Variants in DROSHA observed in about 807,000 individuals in gnomAD.
DROSHA encodes drosha ribonuclease III.
A neutral mutation model predicts 181.9 loss-of-function variants in DROSHA; 56 were observed. The observed-to-expected ratio is 0.31, with a 90% CI of 0.25 to 0.38. The LOEUF is 0.38. Ranked by LOEUF, DROSHA falls within the 10% of genes least tolerant of loss-of-function variation. DROSHA has a pLI of 1.00. For missense variants in DROSHA, 1,218 were observed against 1,743.5 expected (o/e 0.70, Z 5.37); for synonymous variants, 524 against 591.2 (o/e 0.89, Z 1.65).
At position 31,401,226 on chromosome 5, in the gene DROSHA, C is replaced by T; in HGVS notation, c.*206G>A. 1 of 593,850 alleles carries T rather than the reference C, an allele frequency of 1.7e-6. No homozygotes were observed. Among genetic ancestry groups the T allele is most frequent in the Non-Finnish European group, 2.8e-6 (1 of 352,560 alleles). The allele number at this position is 593,850 out of a possible 1,614,324, so 36.8% of individuals were successfully genotyped here. On this transcript the variant is annotated 3_prime_UTR_variant, in exon 36 of 36. Transcript: ENST00000344624. ...GCACATTCACCAAAGTCAAGTTTTC[C>T]GTTAAATAGAAGAAAAATCTAATAC...
chr5:31,500,561 T>C (rs1753479283), intron 11 of DROSHA, among the ~76,000 whole-genome samples: 1 of 152,204 alleles, frequency 6.6e-6, no homozygotes, highest in Admixed American at 6.5e-5. Context: ...ATAAAGTATC[T>C]ACAGCTGGAA....
At chr5:31,438,398 C>T (rs930702491) in intron 23 of DROSHA, among the ~76,000 whole-genome samples, 3 of 152,094 alleles carry the variant, frequency 2.0e-5, no homozygotes, top group African/African-American at 7.2e-5. Context: ...AGGAGGGAAA[C>T]AGTCACATTT....
chr5:31,523,586 A>G (rs1740157427), intron 5 of DROSHA, among the ~76,000 whole-genome samples: 1 of 152,242 alleles, frequency 6.6e-6, no homozygotes, highest in African/African-American at 2.4e-5. Flanking sequence ...CCCAGAAGCA[A>G]AATTATTAAC....
intron 29 of DROSHA, 42 bp downstream of exon 29, chr5:31,422,745 C>A: frequency 6.2e-7 from 1 of 1,609,688 alleles, no homozygotes; most frequent in Non-Finnish European, 8.5e-7. Context: ...ACTGCCTCAT[C>A]TAAATGGTCA....
At position 31,405,700 on chromosome 5, in the gene DROSHA, G is replaced by A; in HGVS notation, c.3971C>T (p.Ala1324Val). 2 of 1,557,918 alleles carry A rather than the reference G, an allele frequency of 1.3e-6. No individual in the cohort carries two copies. Among genetic ancestry groups the A allele is most frequent in the African/African-American group, 1.4e-5 (1 of 71,466 alleles). Residue 1324 changes from alanine to valine, a missense_variant, in exon 35 of 36, where the codon GCA becomes GTA. Around this residue, in one of 8 missense-constraint regions of DROSHA, gnomAD observed 48 missense variants for 124.9 expected, o/e 0.38. Transcript: ENST00000344624. ...GPSIQQAEMG[A>V]AMDALEKYNF... ...ACATTTTTCAAGCGCATCCATTGCTGCTCCCATTTCCGCTTGCTGAATACT... is the reference window on the plus strand; with the variant it reads ...ACATTTTTCAAGCGCATCCATTGCTACTCCCATTTCCGCTTGCTGAATACT...
chr5:31,466,105 T>G, intron 19 of DROSHA, 77 bp downstream of exon 19: 2 of 1,412,040 alleles, frequency 1.4e-6, no homozygotes, highest in Non-Finnish European at 2.0e-6. Context: ...ACCAGAAGTA[T>G]AGTGTGATAC....
At chr5:31,530,663 A>C in intron 3 of DROSHA, 135 bp downstream of exon 3, 3 of 363,994 alleles carry the variant, frequency 8.2e-6, no homozygotes, top group Non-Finnish European at 1.5e-5. Context: ...CTCCCAACGT[A>C]TGAATCTGCC....
At chr5:31,497,020 C>G (rs116034060) in intron 11 of DROSHA, among the ~76,000 whole-genome samples, 2 of 152,170 alleles carry the variant, frequency 1.3e-5, no homozygotes, top group Non-Finnish European at 2.9e-5. Context: ...ACTGGTAATG[C>G]CTGTAGTGCA....
intron 17 of DROSHA, 32 bp downstream of exon 17, chr5:31,472,031 C>T: frequency 6.4e-7 from 1 of 1,555,232 alleles, no homozygotes. Flanking sequence ...GAAGGTCCTC[C>T]AGCCTCTGAA....
chr5:31,406,247 C>T (rs1376651577), intron 34 of DROSHA, among the ~76,000 whole-genome samples: 1 of 152,044 alleles, frequency 6.6e-6, no homozygotes, highest in African/African-American at 2.4e-5. Context: ...TGAACTCATA[C>T]CTAAAATCCC....
chr5:31,497,473 T>C (rs536393425), intron 11 of DROSHA, among the ~76,000 whole-genome samples: 83 of 152,364 alleles, frequency 5.4e-4, no homozygotes, highest in East Asian at 2.5e-3. Flanking sequence ...CTTGGGAGCC[T>C]GTCCCCCCTT....
rs147463135 is a variant in DROSHA at position 31,405,242 on chromosome 5, C to A, written c.3994+435G>T. Among the ~76,000 whole-genome samples, 265 of 152,068 alleles carry A rather than the reference C, an allele frequency of 1.7e-3. 1 individual carries two copies. Among genetic ancestry groups the A allele is most frequent in the African/African-American group, 6.1e-3 (252 of 41,482 alleles). On this transcript the variant is annotated intron_variant, in intron 35 of 35. Transcript: ENST00000344624. ...ATTTAGCTGGGTGTGGTAGGAGGCA[C>A]CTGTAATCCCAGCTACTGGGGAGGC... is the stretch of plus-strand genomic sequence containing the variant.
chr5:31,413,738 G>C (rs532264403), intron 30 of DROSHA, among the ~76,000 whole-genome samples: 1 of 152,208 alleles, frequency 6.6e-6, no homozygotes, highest in Non-Finnish European at 1.5e-5. Context: ...ACATGCAGGT[G>C]CTCCTCTAGA....
chr5:31,467,633 A>T (rs2287587), intron 18 of DROSHA: 3,668 of 154,708 alleles, frequency 0.024, 199 homozygotes, highest in East Asian at 0.22. Flanking sequence ...AAAAAATAAT[A>T]ATTATTATTA....
intron 30 of DROSHA, among the ~76,000 whole-genome samples, chr5:31,416,288 C>T (rs1462556075): frequency 6.6e-6 from 1 of 152,200 alleles, no homozygotes; most frequent in Non-Finnish European, 1.5e-5. Context: ...TCCGCTTCTT[C>T]CCTTATATAT....
In DROSHA at chr5:31,525,287, G is replaced by A. The variant is rs111629871; in HGVS notation, c.854+792C>T. On this transcript the variant is annotated intron_variant, in intron 5 of 35. Transcript: ENST00000344624. Reference sequence around the variant, plus strand: ...AGAGGTTGTAGTGAGCCGAGACTGCGCCACTGCACTCCAGCCTAGGCAACA... The same window carrying A: ...AGAGGTTGTAGTGAGCCGAGACTGCACCACTGCACTCCAGCCTAGGCAACA... Among the ~76,000 whole-genome samples, 688 of 127,442 alleles carry A rather than the reference G, an allele frequency of 5.4e-3. 8 individuals carry two copies. Among genetic ancestry groups the A allele is most frequent in the African/African-American group, 0.019 (649 of 33,736 alleles). The allele number at this position is 127,442 out of a possible 152,430, so 83.6% of individuals were successfully genotyped here. A position where few individuals can be genotyped will look rare whatever the true frequency, so the allele number is the denominator to read the frequency against.
At chr5:31,530,977 T>A (rs1741251419) in intron 2 of DROSHA, 53 bp from the exon 3 acceptor site, 2 of 396,662 alleles carry the variant, frequency 5.0e-6, no homozygotes, top group Non-Finnish European at 8.9e-6. Flanking sequence ...ATAGTATGTT[T>A]CCATGTTGCT....
At chr5:31,493,099 A>T in intron 13 of DROSHA, 108 bp downstream of exon 13, 1 of 1,126,386 alleles carries the variant, frequency 8.9e-7, no homozygotes, top group Non-Finnish European at 1.3e-6. Flanking sequence ...AGGGATGCAG[A>T]GGAAATGTTT....
chr5:31,402,272 T>C (rs981614678), intron 35 of DROSHA, among the ~76,000 whole-genome samples: 1 of 152,188 alleles, frequency 6.6e-6, no homozygotes, highest in African/African-American at 2.4e-5. Context: ...GGACAATGCG[T>C]AGTGAAGTGG....
Sources: allele counts gnomAD v4.1 joint callset (sites outside exome capture counted in the v4.1 genomes callset), GRCh38; gene constraint gnomAD v4.1.1; regional missense constraint gnomAD v4.1.1; transcripts MANE v1.5; gene names NCBI Gene and HGNC (gene_info 2026-07-23, HGNC 2026-07-21).